Variants in CCDC30 observed in about 807,000 individuals in gnomAD.
CCDC30 encodes coiled-coil domain-containing protein 30.
CCDC30 carries 70 observed loss-of-function variants against 100.2 expected under a neutral mutation model. The ratio of observed to expected loss-of-function variants is 0.70; its 90% confidence interval spans 0.58 to 0.85. The LOEUF (loss-of-function observed/expected upper bound fraction) is 0.85. Among genes scored for constraint, CCDC30 ranks in the 40% least tolerant of loss-of-function variants. The pLI is 0.00. For missense variants in CCDC30, 652 were observed against 771.2 expected (o/e 0.85, Z 1.83); for synonymous variants, 233 against 269.5 (o/e 0.86, Z 1.33).
chr1:42,592,306 T>G (rs1557880175), intron 10 of CCDC30: 1 of 152,104 alleles, frequency 6.6e-6, no homozygotes, highest in African/African-American at 2.4e-5. Flanking sequence ...TTGTTGGAGG[T>G]TGGGTCTGAG....
chr1:42,518,107 G>A (rs1484939298), intron 6 of CCDC30, among the ~76,000 whole-genome samples: 1 of 152,122 alleles, frequency 6.6e-6, no homozygotes, highest in Non-Finnish European at 1.5e-5. Flanking sequence ...GAACATGAAT[G>A]TCTTTCCATT....
chr1:42,541,656 C>G (rs12404048), intron 6 of CCDC30, among the ~76,000 whole-genome samples: 3 of 152,134 alleles, frequency 2.0e-5, no homozygotes, highest in Admixed American at 6.6e-5. Context: ...GCAATAGATA[C>G]ATATCTTGTG....
intron 6 of CCDC30, chr1:42,500,419 C>CT (rs373902992): frequency 0.17 from 114,006 of 683,314 alleles, 1,787 homozygotes; most frequent in East Asian, 0.21. Context: ...CGAGTTCTCT[C>CT]TTTTTTTTTT....
intron 6 of CCDC30, among the ~76,000 whole-genome samples, chr1:42,508,694 A>G (rs1644432350): frequency 6.6e-6 from 1 of 152,154 alleles, no homozygotes; most frequent in Non-Finnish European, 1.5e-5. Flanking sequence ...TTCCCAAAAC[A>G]GGGTCTGTGG....
intron 10 of CCDC30, among the ~76,000 whole-genome samples, chr1:42,605,160 A>T (rs1430290094): frequency 1.3e-5 from 2 of 152,210 alleles, no homozygotes; most frequent in Non-Finnish European, 2.9e-5. Context: ...GACACTGTGT[A>T]GTACCATCAT....
chr1:42,508,942 C>G (rs1644436936), intron 6 of CCDC30, among the ~76,000 whole-genome samples: 1 of 152,124 alleles, frequency 6.6e-6, no homozygotes, highest in Non-Finnish European at 1.5e-5. Flanking sequence ...TAAGAAAATC[C>G]TTTTAAGTCC....
intron 6 of CCDC30, among the ~76,000 whole-genome samples, chr1:42,559,733 G>A (rs1015669023): frequency 8.6e-5 from 13 of 151,846 alleles, no homozygotes; most frequent in Admixed American, 7.9e-4. Context: ...TAGACAGATC[G>A]AGACAGAAAA....
At chr1:42,488,503 G>C (rs1288783148) in intron 3 of CCDC30, among the ~76,000 whole-genome samples, 1 of 152,032 alleles carries the variant, frequency 6.6e-6, no homozygotes, top group Non-Finnish European at 1.5e-5. Flanking sequence ...TTGTAGAGAA[G>C]GTGGTTTTAC....
intron 3 of CCDC30, among the ~76,000 whole-genome samples, chr1:42,483,386 T>G (rs980036510): frequency 1.3e-5 from 2 of 152,242 alleles, no homozygotes; most frequent in Non-Finnish European, 1.5e-5. Context: ...ATTACACATT[T>G]CTGATTGTGG....
At chr1:42,505,598 G>T (rs1008370160) in intron 6 of CCDC30, among the ~76,000 whole-genome samples, 1 of 152,160 alleles carries the variant, frequency 6.6e-6, no homozygotes, top group African/African-American at 2.4e-5. Flanking sequence ...AGTGCAACAA[G>T]AATAATTATT....
At chr1:42,479,943 G>C (rs79051644) in intron 1 of CCDC30, among the ~76,000 whole-genome samples, 256 of 152,278 alleles carry the variant, frequency 1.7e-3, no homozygotes, top group African/African-American at 4.9e-3. Flanking sequence ...GTGGAGTACA[G>C]CTGCTCCGGC....
chr1:42,574,530 A>C (rs748805017), intron 7 of CCDC30, among the ~76,000 whole-genome samples: 4 of 152,138 alleles, frequency 2.6e-5, no homozygotes, highest in Admixed American at 6.5e-5. Context: ...TTCTTTGATC[A>C]GTCTCACTAG....
chr1:42,597,929 G>T (rs533929835), intron 10 of CCDC30, among the ~76,000 whole-genome samples: 1 of 148,874 alleles, frequency 6.7e-6, no homozygotes, highest in East Asian at 2.0e-4. Flanking sequence ...AGGCTGAGGC[G>T]GGAGGATCAC....
chr1:42,512,097 T>G (rs2148492619), intron 6 of CCDC30, among the ~76,000 whole-genome samples: 1 of 152,352 alleles, frequency 6.6e-6, no homozygotes, highest in East Asian at 1.9e-4. Flanking sequence ...CTCTGGCTAG[T>G]TATCTGCAGC....
At chr1:42,481,902 G>GGA (rs905700765) in intron 2 of CCDC30, among the ~76,000 whole-genome samples, 2 of 152,108 alleles carry the variant, frequency 1.3e-5, no homozygotes, top group Non-Finnish European at 1.5e-5. Flanking sequence ...TAGCCATGCT[G>GGA]GAACACAGTA....
At chr1:42,567,358 C>T (rs72659994) in intron 7 of CCDC30, among the ~76,000 whole-genome samples, 19,579 of 152,178 alleles carry the variant, frequency 0.13, 1,452 homozygotes, top group East Asian at 0.17. Context: ...AAAATATTTA[C>T]TACCTGGCCC....
chr1:42,560,543 G>T (rs994129189), intron 6 of CCDC30, among the ~76,000 whole-genome samples: 6 of 151,874 alleles, frequency 4.0e-5, no homozygotes, highest in African/African-American at 1.2e-4. Context: ...CTAATTTTTT[G>T]TATTTTTAGT....
intron 12 of CCDC30, among the ~76,000 whole-genome samples, chr1:42,641,187 T>C (rs949835353): frequency 2.2e-4 from 34 of 151,372 alleles, no homozygotes; most frequent in African/African-American, 8.0e-4. Flanking sequence ...TCCTAGCTCA[T>C]TGCAGCCTTG....
chr1:42,542,539 CTTTTTTTTTTT>C (rs58751072), intron 6 of CCDC30, among the ~76,000 whole-genome samples: 1 of 75,562 alleles, frequency 1.3e-5, no homozygotes, highest in African/African-American at 4.6e-5. Flanking sequence ...TTAAATTTTT[CTTTTTTTTTTT>C]TTTTTTTTTT....
Sources: gnomAD v4.1 joint callset for allele counts (sites outside exome capture counted in the v4.1 genomes callset) on GRCh38, gnomAD v4.1.1 for gene constraint, MANE v1.5 for transcripts, NCBI Gene and HGNC (gene_info 2026-07-23, HGNC 2026-07-21) for gene names.